DCDC1: variants seen among roughly 807,000 people sequenced by gnomAD.
DCDC1 encodes the protein doublecortin domain containing 1, also known as doublecortin domain-containing protein 1.
DCDC1 carries 200 observed loss-of-function variants against 178.3 expected under a neutral mutation model. The observed-to-expected ratio is 1.12, with a 90% confidence interval of 1.00 to 1.26. The LOEUF (loss-of-function observed/expected upper bound fraction) is 1.26. DCDC1 is among the 50% of genes most tolerant of loss of function. The probability of loss-of-function intolerance (pLI) is 0.00; values close to 1 mark genes in which losing one functional copy is unlikely to be tolerated. For missense variants in DCDC1, 1,983 were observed against 1,749.2 expected, an observed-to-expected ratio of 1.13 and a Z score of -2.38; for synonymous variants, 690 against 604.8, an observed-to-expected ratio of 1.14 and a Z score of -2.07.
intron 20 of DCDC1, among the ~76,000 whole-genome samples, chr11:30,958,048 C>G (rs904557529): frequency 1.3e-5 from 2 of 152,116 alleles, no homozygotes; most frequent in Admixed American, 6.6e-5. Flanking sequence ...CCCTGAAGGA[C>G]AGTGGTGAGA....
intron 16 of DCDC1, among the ~76,000 whole-genome samples, chr11:31,092,278 G>C (rs1957864995): frequency 6.6e-6 from 1 of 152,148 alleles, no homozygotes; most frequent in Non-Finnish European, 1.5e-5. Context: ...GTGTGGAAAA[G>C]AAACATGATG....
chr11:31,100,277 A>G (rs545238002), intron 15 of DCDC1, among the ~76,000 whole-genome samples: 7 of 152,246 alleles, frequency 4.6e-5, no homozygotes, highest in Non-Finnish European at 1.0e-4. Context: ...AAGCAAACAA[A>G]AAAATCCATT....
intron 8 of DCDC1, chr11:31,263,106 T>G: frequency 6.2e-7 from 1 of 1,608,424 alleles, no homozygotes; most frequent in Non-Finnish European, 8.5e-7. Context: ...TATACCATAT[T>G]TGGGAGGAGA....
At position 31,239,016 on chromosome 11, in the gene DCDC1, A is replaced by G. The variant is rs142488291; in HGVS notation, c.1221+2434T>C. On this transcript the variant is annotated intron_variant, in intron 9 of 38. Transcript: ENST00000684477. ...ATATTATCGCAATTTATTTAAAATA[A>G]ATTTCCTTTGGGAATGACAAAATTT... Among the ~76,000 whole-genome samples, 487 of 152,208 alleles carry G rather than the reference A, an allele frequency of 3.2e-3. 7 individuals are homozygous for G. The highest frequency in any genetic ancestry group is 0.011 in the African/African-American group (465 of 41,568).
At chr11:31,189,928 T>C (rs1969944857) in intron 9 of DCDC1, among the ~76,000 whole-genome samples, 1 of 152,220 alleles carries the variant, frequency 6.6e-6, no homozygotes, top group African/African-American at 2.4e-5. Flanking sequence ...TGAAGTGCCA[T>C]TATTTGGCCT....
At chr11:30,958,377 A>G (rs953297402) in intron 20 of DCDC1, among the ~76,000 whole-genome samples, 2 of 152,168 alleles carry the variant, frequency 1.3e-5, no homozygotes, top group Admixed American at 6.6e-5. Flanking sequence ...CAGAATGTTT[A>G]TATATTGACC....
intron 3 of DCDC1, among the ~76,000 whole-genome samples, chr11:31,315,664 T>C (rs1212678457): frequency 6.9e-6 from 1 of 145,844 alleles, no homozygotes; most frequent in South Asian, 2.1e-4. Flanking sequence ...TTTTTTTTTT[T>C]TTTATTAAAC....
chr11:31,323,771 TA>T (rs1203372614), intron 3 of DCDC1, among the ~76,000 whole-genome samples: 1 of 152,044 alleles, frequency 6.6e-6, no homozygotes, highest in Non-Finnish European at 1.5e-5. Flanking sequence ...ATGCAACCAA[TA>T]AAAGAAATAA....
intron 6 of DCDC1, among the ~76,000 whole-genome samples, chr11:31,294,872 G>C (rs1365792607): frequency 6.7e-6 from 1 of 148,516 alleles, no homozygotes; most frequent in Non-Finnish European, 1.5e-5. Context: ...GAAAGAAAAA[G>C]AAAACAGAAA....
chr11:31,254,895 A>G (rs1032067736), intron 8 of DCDC1, among the ~76,000 whole-genome samples: 26 of 152,176 alleles, frequency 1.7e-4, no homozygotes, highest in African/African-American at 6.3e-4. Context: ...TAGTTCCAAA[A>G]TATTTCCATC....
chr11:30,920,230 A>C (rs969345927), intron 25 of DCDC1, among the ~76,000 whole-genome samples: 14 of 152,216 alleles, frequency 9.2e-5, no homozygotes, highest in African/African-American at 3.4e-4. Flanking sequence ...CAGGGTCAGA[A>C]GGCCTTGGGA....
intron 17 of DCDC1, among the ~76,000 whole-genome samples, chr11:31,085,602 T>C (rs1957423492): frequency 6.6e-6 from 1 of 152,174 alleles, no homozygotes; most frequent in African/African-American, 2.4e-5. Context: ...GGGTATTCTA[T>C]TGTATAGATT....
At chr11:31,206,152 A>C (rs1179756216) in intron 9 of DCDC1, among the ~76,000 whole-genome samples, 2 of 152,236 alleles carry the variant, frequency 1.3e-5, no homozygotes, top group Non-Finnish European at 2.9e-5. Context: ...CCAGTAGGTG[A>C]AAAGTTGATA....
chr11:31,322,595 C>A (rs1002569754), intron 3 of DCDC1, among the ~76,000 whole-genome samples: 2 of 152,130 alleles, frequency 1.3e-5, no homozygotes, highest in African/African-American at 4.8e-5. Context: ...AAAAGAGATA[C>A]AAGTGATCAA....
At chr11:31,004,137 T>G (rs1184650360) in intron 20 of DCDC1, among the ~76,000 whole-genome samples, 1 of 152,140 alleles carries the variant, frequency 6.6e-6, no homozygotes, top group African/African-American at 2.4e-5. Flanking sequence ...CCAAATTATT[T>G]CTGAGGAGGA....
intron 38 of DCDC1, among the ~76,000 whole-genome samples, chr11:30,874,767 G>A (rs895299447): frequency 6.6e-6 from 1 of 152,144 alleles, no homozygotes; most frequent in African/African-American, 2.4e-5. Context: ...TCCTGAGCAT[G>A]TGCACCTGAG....
intron 7 of DCDC1, among the ~76,000 whole-genome samples, chr11:31,267,696 C>A (rs1370159137): frequency 6.6e-6 from 1 of 152,160 alleles, no homozygotes; most frequent in Admixed American, 6.5e-5. Context: ...ACCTAGGACC[C>A]CCATCCCATG....
At chr11:31,056,925 C>T (rs535302035) in intron 20 of DCDC1, among the ~76,000 whole-genome samples, 1 of 152,100 alleles carries the variant, frequency 6.6e-6, no homozygotes, top group East Asian at 1.9e-4. Flanking sequence ...GTAGATGGGC[C>T]ATAAAGAAAT....
chr11:30,867,092 C>A (rs1480194531), intron 38 of DCDC1, among the ~76,000 whole-genome samples: 1 of 152,134 alleles, frequency 6.6e-6, no homozygotes, highest in Non-Finnish European at 1.5e-5. Flanking sequence ...GCTTACCTTG[C>A]CTAACTCAGT....
Sources: gnomAD v4.1 joint callset for allele counts (sites outside exome capture counted in the v4.1 genomes callset) on GRCh38, gnomAD v4.1.1 for gene constraint, MANE v1.5 for transcripts, NCBI Gene and HGNC (gene_info 2026-07-23, HGNC 2026-07-21) for gene names.